CADPS2: variants seen among roughly 807,000 people sequenced by gnomAD.
CADPS2 encodes calcium-dependent secretion activator 2.
A neutral mutation model predicts 172.5 loss-of-function variants in CADPS2; 93 were observed. The ratio of observed to expected loss-of-function variants is 0.54; its 90% confidence interval spans 0.46 to 0.64. The LOEUF is 0.64. Among genes scored for constraint, CADPS2 ranks in the 30% least tolerant of loss-of-function variants. The pLI, the probability that CADPS2 is intolerant of heterozygous loss-of-function variation, is 0.00. For synonymous variants in CADPS2, 546 were observed against 555.2 expected, an observed-to-expected ratio of 0.98 and a Z score of 0.23; for missense variants, 1,420 against 1,565.9, an observed-to-expected ratio of 0.91 and a Z score of 1.57.
chr7:122,619,389 G>T (rs145524562), intron 5 of CADPS2, among the ~76,000 whole-genome samples: 2 of 151,254 alleles, frequency 1.3e-5, no homozygotes, highest in East Asian at 3.9e-4. Context: ...ACTTTGGGTG[G>T]ATTGTCTGAG....
intron 3 of CADPS2, among the ~76,000 whole-genome samples, chr7:122,659,651 A>G (rs1034805115): frequency 2.6e-5 from 4 of 152,100 alleles, no homozygotes; most frequent in Admixed American, 6.6e-5. Flanking sequence ...GGAAGCTCAG[A>G]AAAACACCAA....
intron 2 of CADPS2, among the ~76,000 whole-genome samples, chr7:122,734,356 T>TAAAAAAAAAAAAAAAAAAAGAAAAAAAAA (rs2091945430): frequency 2.2e-5 from 1 of 46,294 alleles, no homozygotes; most frequent in African/African-American, 9.0e-5. Flanking sequence ...CCAGAAATAG[T>TAAAAAAAAAAAAAAAAAAAGAAAAAAAAA]AAAAAAAAAA....
intron 2 of CADPS2, among the ~76,000 whole-genome samples, chr7:122,685,272 T>C (rs1482707570): frequency 6.6e-6 from 1 of 152,242 alleles, no homozygotes; most frequent in Admixed American, 6.5e-5. Flanking sequence ...ATAACCTGTC[T>C]ACAGGCAGGA....
At chr7:122,785,158 C>A (rs541294693) in intron 1 of CADPS2, among the ~76,000 whole-genome samples, 1 of 152,256 alleles carries the variant, frequency 6.6e-6, no homozygotes, top group Admixed American at 6.5e-5. Flanking sequence ...GTTGTAGGTG[C>A]TACAGTTGAA....
chr7:122,645,658 G>GATATATAT (rs71161314), intron 3 of CADPS2, among the ~76,000 whole-genome samples: 3,758 of 106,388 alleles, frequency 0.035, 140 homozygotes, highest in Admixed American at 0.07. Flanking sequence ...ATATCTCTAA[G>GATATATAT]ATATATATAT....
intron 27 of CADPS2, among the ~76,000 whole-genome samples, chr7:122,348,689 A>C (rs1332557070): frequency 6.6e-6 from 1 of 152,206 alleles, no homozygotes; most frequent in Non-Finnish European, 1.5e-5. Context: ...CCTAGTGAAT[A>C]CATTTTCATG....
chr7:122,463,009 A>G (rs2152108169), intron 14 of CADPS2, among the ~76,000 whole-genome samples: 1 of 152,342 alleles, frequency 6.6e-6, no homozygotes, highest in East Asian at 1.9e-4. Flanking sequence ...TTACAGAAAT[A>G]GAGAGCAAAA....
At chr7:122,585,899 T>C (rs2069598202) in intron 6 of CADPS2, 1 of 152,004 alleles carries the variant, frequency 6.6e-6, no homozygotes, top group South Asian at 2.1e-4. Flanking sequence ...TACATGTTCA[T>C]ATCTTTTAAC....
At chr7:122,885,535 C>T (rs940357917) in intron 1 of CADPS2, among the ~76,000 whole-genome samples, 1 of 152,178 alleles carries the variant, frequency 6.6e-6, no homozygotes, top group Non-Finnish European at 1.5e-5. Flanking sequence ...AGACTTCACT[C>T]TAGCTAAGAG....
chr7:122,693,593 T>C (rs2084678193), intron 2 of CADPS2, among the ~76,000 whole-genome samples: 1 of 152,128 alleles, frequency 6.6e-6, no homozygotes, highest in African/African-American at 2.4e-5. Context: ...CACTGAGACT[T>C]GGAAAAGCTC....
chr7:122,834,460 C>T (rs1011309830), intron 1 of CADPS2, among the ~76,000 whole-genome samples: 2 of 152,130 alleles, frequency 1.3e-5, no homozygotes, highest in African/African-American at 4.8e-5. Flanking sequence ...GTGCAGCCCA[C>T]TGAGCGAGAT....
chr7:122,619,927 A>G (rs2075389646), intron 5 of CADPS2, among the ~76,000 whole-genome samples: 1 of 152,224 alleles, frequency 6.6e-6, no homozygotes, highest in Admixed American at 6.5e-5. Context: ...AGAAAGACTC[A>G]TAGTTCTAAT....
At chr7:122,329,569 A>T (rs1165542044) in intron 28 of CADPS2, among the ~76,000 whole-genome samples, 2 of 152,192 alleles carry the variant, frequency 1.3e-5, no homozygotes, top group East Asian at 3.9e-4. Flanking sequence ...GTAGTTAAGG[A>T]ATTTCATTAT....
chr7:122,794,176 A>T (rs1795879407), intron 1 of CADPS2, among the ~76,000 whole-genome samples: 1 of 151,918 alleles, frequency 6.6e-6, no homozygotes, highest in Admixed American at 6.6e-5. Context: ...GTTCTCATGG[A>T]TGATATCCTA....
intron 20 of CADPS2, among the ~76,000 whole-genome samples, chr7:122,399,668 T>A (rs1365809215): frequency 3.3e-5 from 1 of 29,856 alleles, no homozygotes; most frequent in South Asian, 1.3e-3. Flanking sequence ...TTCTTTTTTT[T>A]TTTTTTTTTT....
chr7:122,517,819 G>A (rs2060490629), intron 8 of CADPS2, among the ~76,000 whole-genome samples: 1 of 151,970 alleles, frequency 6.6e-6, no homozygotes, highest in South Asian at 2.1e-4. Context: ...CTGGAATGTG[G>A]AGGGAATGAG....
At chr7:122,501,600 A>C (rs914016649) in intron 9 of CADPS2, among the ~76,000 whole-genome samples, 1 of 152,138 alleles carries the variant, frequency 6.6e-6, no homozygotes, top group African/African-American at 2.4e-5. Context: ...CTGTAATCCC[A>C]GCACTTTGGG....
chr7:122,576,280 A>AGGATATCCAC (rs1232784017), intron 7 of CADPS2, among the ~76,000 whole-genome samples: 1 of 152,176 alleles, frequency 6.6e-6, no homozygotes, highest in Non-Finnish European at 1.5e-5. Context: ...TAGAGAGCAT[A>AGGATATCCAC]GGATATCCAC....
chr7:122,570,339 T>C (rs2067064615), intron 7 of CADPS2, among the ~76,000 whole-genome samples: 2 of 151,948 alleles, frequency 1.3e-5, no homozygotes, highest in African/African-American at 4.8e-5. Context: ...TGAGATACCA[T>C]CTCACACCAG....
Sources: gnomAD v4.1 joint callset for allele counts (sites outside exome capture counted in the v4.1 genomes callset) on GRCh38, gnomAD v4.1.1 for gene constraint, MANE v1.5 for transcripts, NCBI Gene and HGNC (gene_info 2026-07-23, HGNC 2026-07-21) for gene names.